The following MYH16 variants were observed in gnomAD, a reference collection of about 807,000 sequenced individuals.
MYH16 encodes the protein myosin heavy chain 16, also known as putative uncharacterized protein MYH16.
intron 11 of MYH16, chr7:99,260,063 T>A: frequency 1.0e-6 from 1 of 973,730 alleles, no homozygotes; most frequent in Non-Finnish European, 1.5e-6. Context: ...TAGTGGGCCC[T>A]CTGCAAAGTT....
chr7:99,294,632 C>A (rs1397298360), intron 33 of MYH16, among the ~76,000 whole-genome samples: 1 of 149,624 alleles, frequency 6.7e-6, no homozygotes, highest in African/African-American at 2.5e-5. Flanking sequence ...GTGGCGTGAT[C>A]TCAGCTCACT....
At chr7:99,287,232 A>G (rs947521920) in intron 28 of MYH16, among the ~76,000 whole-genome samples, 2 of 151,952 alleles carry the variant, frequency 1.3e-5, no homozygotes, top group African/African-American at 4.8e-5. Context: ...TAGTATAGTG[A>G]GTAGAAATGT....
At chr7:99,262,701 A>T (rs969845190) in intron 13 of MYH16, among the ~76,000 whole-genome samples, 2 of 152,202 alleles carry the variant, frequency 1.3e-5, no homozygotes, top group Admixed American at 6.5e-5. Flanking sequence ...CATGGGGACC[A>T]TGTGGCAAGA....
chr7:99,241,606 A>C (rs978452003), intron 1 of MYH16, among the ~76,000 whole-genome samples: 24 of 152,170 alleles, frequency 1.6e-4, no homozygotes, highest in African/African-American at 5.5e-4. Context: ...AAACAAAAAC[A>C]AACAAACAAA....
chr7:99,293,236 A>G (rs75801576), intron 32 of MYH16, among the ~76,000 whole-genome samples: 48 of 152,206 alleles, frequency 3.2e-4, no homozygotes, highest in Non-Finnish European at 7.1e-4. Flanking sequence ...TATAAAGCCA[A>G]ATTAGGCATA....
At chr7:99,279,437 C>T (rs759773114) in intron 21 of MYH16, 73 bp from the exon 4 acceptor site, 5 of 430,786 alleles carry the variant, frequency 1.2e-5, no homozygotes, top group Non-Finnish European at 2.3e-5. Context: ...TTGTTCAGCT[C>T]AAGGCTTGTC....
intron 38 of MYH16, among the ~76,000 whole-genome samples, chr7:99,302,311 A>AAAAAT (rs1298937302): frequency 1.8e-5 from 2 of 109,510 alleles, no homozygotes; most frequent in Admixed American, 9.6e-5. Context: ...AAAAAAAAAA[A>AAAAAT]ATATATACAC....
exon 4 of MYH16, chr7:99,248,993 C>T (rs947830348): frequency 6.6e-6 from 1 of 152,650 alleles, no homozygotes; most frequent in African/African-American, 2.4e-5. Flanking sequence ...CCCTACAGAT[C>T]GTGAGAATCA....
At chr7:99,307,494 G>A (rs529978458), downstream of MYH16, among the ~76,000 whole-genome samples, 29 of 152,220 alleles carry the variant, frequency 1.9e-4, no homozygotes, top group African/African-American at 7.0e-4. Context: ...GAGGCCAAGG[G>A]GGAAAATGGT....
chr7:99,298,176 GTTTAT>G (rs1792531591), intron 36 of MYH16, among the ~76,000 whole-genome samples, 181 bp downstream of exon 17: 4 of 151,746 alleles, frequency 2.6e-5, no homozygotes, highest in African/African-American at 9.7e-5. Flanking sequence ...ACCGTGTCTA[GTTTAT>G]GAACACTTTG....
downstream of MYH16, among the ~76,000 whole-genome samples, chr7:99,309,751 C>T (rs1389071796): frequency 6.6e-6 from 1 of 152,254 alleles, no homozygotes; most frequent in East Asian, 1.9e-4. Flanking sequence ...TGCTCTGTCA[C>T]AGCAAGGATC....
At chr7:99,289,465 C>T (rs1489412559) in intron 30 of MYH16, 61 bp downstream of exon 11, 2 of 255,960 alleles carry the variant, frequency 7.8e-6, no homozygotes, top group Non-Finnish European at 1.7e-5. Flanking sequence ...CTGGGATTCT[C>T]AAGGAAACAG....
intron 3 of MYH16, among the ~76,000 whole-genome samples, chr7:99,248,151 C>G (rs893719979): frequency 6.6e-6 from 1 of 152,232 alleles, no homozygotes; most frequent in Non-Finnish European, 1.5e-5. Flanking sequence ...GTCATCCAAG[C>G]TGGAGTGCAA....
chr7:99,289,057 T>A (rs1260352762), intron 29 of MYH16, among the ~76,000 whole-genome samples: 1 of 150,634 alleles, frequency 6.6e-6, no homozygotes, highest in Admixed American at 6.6e-5. Flanking sequence ...GAGGCTACAG[T>A]GAGCTCTGAT....
intron 17 of MYH16, among the ~76,000 whole-genome samples, chr7:99,266,379 G>A (rs1381039718): frequency 6.6e-6 from 1 of 152,132 alleles, no homozygotes; most frequent in Non-Finnish European, 1.5e-5. Flanking sequence ...CCTTAGAGAT[G>A]ATCTTCTACC....
chr7:99,285,814 C>T (rs1792269017), intron 27 of MYH16, among the ~76,000 whole-genome samples: 1 of 152,202 alleles, frequency 6.6e-6, no homozygotes, highest in East Asian at 1.9e-4. Flanking sequence ...AGAGAAAGCA[C>T]GTGTTAGCAA....
intron 8 of MYH16, chr7:99,254,335 T>C (rs899068328): frequency 1.3e-5 from 2 of 152,198 alleles, no homozygotes; most frequent in Admixed American, 6.5e-5. Flanking sequence ...CTCATCCTCA[T>C]AGTAGCCAGA....
At chr7:99,294,568 T>TA (rs1455847330) in intron 33 of MYH16, among the ~76,000 whole-genome samples, 40 of 141,028 alleles carry the variant, frequency 2.8e-4, no homozygotes, top group African/African-American at 9.5e-4. Context: ...TATATATATA[T>TA]TTTTTTTCTT....
At chr7:99,294,289 A>G in intron 33 of MYH16, 139 bp downstream of exon 14, 2 of 330,250 alleles carry the variant, frequency 6.1e-6, no homozygotes, top group African/African-American at 2.2e-5. Context: ...GGGTGCCTTC[A>G]GGAGCTTGCT....
Sources: gnomAD v4.1 joint callset for allele counts (sites outside exome capture counted in the v4.1 genomes callset) on GRCh38, gnomAD v4.1.1 for gene constraint, MANE v1.5 for transcripts, NCBI Gene and HGNC (gene_info 2026-07-23, HGNC 2026-07-21) for gene names.